Variants in CFH observed in about 807,000 individuals in gnomAD.
The protein encoded by CFH is complement factor H.
CFH carries 53 observed loss-of-function variants against 147.3 expected under a neutral mutation model. That is an observed-to-expected ratio of 0.36 (90% CI 0.29 to 0.45). CFH has a LOEUF of 0.45. CFH is among the 20% of genes least tolerant of loss of function. The probability of loss-of-function intolerance (pLI) is 1.00; values close to 1 mark genes in which losing one functional copy is unlikely to be tolerated. For synonymous variants in CFH, 536 were observed against 489.4 expected (o/e 1.10, Z -1.26); for missense variants, 1,380 against 1,498.0 (o/e 0.92, Z 1.30).
Position 196,707,003 on chromosome 1 carries a change from C to T in CFH, c.1337-6732C>T, listed in dbSNP as rs117153350. On this transcript the variant is annotated intron_variant, in intron 9 of 21. Transcript: ENST00000367429. ...GAGAGCCTTGGTAGAGAAGATTACC[C>T]TCAGGTTTAGGTGGCCTGTCTCCAT... 7.6e-4 allele frequency among the ~76,000 whole-genome samples: 115 copies of T among 152,254 alleles called. 1 individual carries two copies. The East Asian group carries it at 0.021, about 27-fold the overall frequency.
intron 1 of CFH, among the ~76,000 whole-genome samples, chr1:196,662,777 G>A (rs991525618): frequency 6.6e-6 from 1 of 151,924 alleles, no homozygotes; most frequent in South Asian, 2.1e-4. Context: ...AGCTACTTGG[G>A]GGGCTGAGGC....
intron 7 of CFH, among the ~76,000 whole-genome samples, chr1:196,687,284 A>T (rs1667860128): frequency 6.6e-6 from 1 of 152,126 alleles, no homozygotes; most frequent in Non-Finnish European, 1.5e-5. Context: ...AAGTAGAATG[A>T]AGCTATTTGA....
intron 10 of CFH, among the ~76,000 whole-genome samples, chr1:196,714,826 G>T (rs1668829354): frequency 6.7e-6 from 1 of 149,818 alleles, no homozygotes; most frequent in African/African-American, 2.5e-5. Flanking sequence ...TCAGCCTCCT[G>T]AATAGCTGGG....
At chr1:196,715,886 T>A (rs1668859367) in intron 11 of CFH, 117 bp downstream of exon 11, 3 of 827,752 alleles carry the variant, frequency 3.6e-6, no homozygotes. Context: ...AATCAAGATA[T>A]CTCCTGATTT....
rs116000624 is a variant in CFH, at chr1:196,744,385, G to T, written c.3310+757G>T. The stretch of plus-strand genomic sequence containing the variant: ...TTATTTGTTTCTGCCTGTTTCCTCT[G>T]GGTTTCAGTCCTATTTCCCTATTCC... On this transcript the variant is annotated intron_variant, in intron 20 of 21. Transcript: ENST00000367429. 8.2e-3 allele frequency among the ~76,000 whole-genome samples: 1,247 copies of T among 152,018 alleles called. 30 individuals carry two copies. Among genetic ancestry groups the T allele is most frequent in the African/African-American group, 0.029 (1,187 of 41,482 alleles).
chr1:196,680,531 G>A (rs755421817), intron 6 of CFH, among the ~76,000 whole-genome samples: 10 of 151,826 alleles, frequency 6.6e-5, no homozygotes, highest in Non-Finnish European at 8.8e-5. Context: ...GCCATAAGAC[G>A]TACAGTAAGA....
At chr1:196,739,807 C>T (rs941807045) in intron 17 of CFH, among the ~76,000 whole-genome samples, 1 of 152,174 alleles carries the variant, frequency 6.6e-6, no homozygotes, top group Non-Finnish European at 1.5e-5. Flanking sequence ...CAGCAGCACC[C>T]TACTCTCTGC....
chr1:196,688,545 A>G (rs1667905268), intron 7 of CFH, among the ~76,000 whole-genome samples: 1 of 152,070 alleles, frequency 6.6e-6, no homozygotes, highest in African/African-American at 2.4e-5. Flanking sequence ...TCAAAGAAAA[A>G]TTTTTGTGTT....
Position 196,713,880 on chromosome 1 carries a change from T to C in CFH, c.1482T>C (p.Cys494=), listed in dbSNP as rs1558172874. 6.2e-7 allele frequency: 1 copy of C among 1,612,722 alleles called. No individual in the cohort carries two copies. Among genetic ancestry groups the C allele is most frequent in the Admixed American group, 1.7e-5 (1 of 59,876 alleles). The change falls in exon 10 of 22, where the codon TGT becomes TGC. Residue 494 remains cysteine, a synonymous_variant. Coordinates refer to ENST00000367429, the MANE Select transcript of CFH (RefSeq NM_000186.4). ...ADGETSGSIT[C]GKDGWSAQPT... ...GTGAAACATCAGGATCAATTACATG[T>C]GGGAAAGATGGATGGTCAGCTCAAC...
intron 9 of CFH, among the ~76,000 whole-genome samples, chr1:196,698,514 T>G (rs913304704): frequency 6.6e-6 from 1 of 152,154 alleles, no homozygotes; most frequent in East Asian, 1.9e-4. Flanking sequence ...CTCCCAACAC[T>G]AAAGCAGAAG....
intron 20 of CFH, among the ~76,000 whole-genome samples, chr1:196,745,439 G>A (rs1202975621): frequency 6.6e-6 from 1 of 152,024 alleles, no homozygotes; most frequent in Non-Finnish European, 1.5e-5. Context: ...AGTATATTCA[G>A]TGTTTTTAAA....
intron 11 of CFH, among the ~76,000 whole-genome samples, chr1:196,716,350 C>CA (rs1668870699): frequency 6.6e-6 from 1 of 151,972 alleles, no homozygotes; most frequent in Admixed American, 6.6e-5. Context: ...CAATATATTT[C>CA]AAGGTGGTAA....
chr1:196,693,527 T>G (rs1262857485), intron 9 of CFH, among the ~76,000 whole-genome samples: 1 of 152,116 alleles, frequency 6.6e-6, no homozygotes, highest in Non-Finnish European at 1.5e-5. Context: ...TTTTTCCACC[T>G]GATAACTTGG....
intron 5 of CFH, 122 bp downstream of exon 5, chr1:196,677,789 C>T: frequency 1.1e-6 from 1 of 931,234 alleles, no homozygotes; most frequent in Non-Finnish European, 1.7e-6. Context: ...TGAGCACTTA[C>T]TATCTGCCTG....
At chr1:196,703,982 C>CATA (rs1178960573) in intron 9 of CFH, among the ~76,000 whole-genome samples, 5 of 60,596 alleles carry the variant, frequency 8.3e-5, no homozygotes, top group Non-Finnish European at 1.4e-4. Flanking sequence ...AAGACTCTGT[C>CATA]AAAAAAAAAA....
chr1:196,701,036 C>T (rs1261040576), intron 9 of CFH, among the ~76,000 whole-genome samples: 2 of 152,106 alleles, frequency 1.3e-5, no homozygotes, highest in African/African-American at 4.8e-5. Context: ...GAGGAGATCT[C>T]CCTTCAGATG....
chr1:196,731,994 C>T (rs1401634821), intron 15 of CFH, among the ~76,000 whole-genome samples: 1 of 151,672 alleles, frequency 6.6e-6, no homozygotes, highest in African/African-American at 2.4e-5. Context: ...ATTTGATTTC[C>T]TTTGAGATTT....
Position 196,747,102 on chromosome 1 carries a change from T to C in CFH, c.3494-9T>C, listed in dbSNP as rs2149118667. On this transcript the variant is annotated splice_polypyrimidine_tract_variant and intron_variant, in intron 21 of 21. Transcript: ENST00000367429. ...TTAATGTTTTATGTTTACTGTTTTT[T>C]ATTTTCAGATCCGTGTGTAATATCC... The C allele has an allele frequency of 1.2e-6, 2 of 1,613,850 alleles. No homozygotes were observed. Among genetic ancestry groups the C allele is most frequent in the Non-Finnish European group, 1.7e-6 (2 of 1,179,804 alleles).
chr1:196,712,666 G>A (rs1668749420), intron 9 of CFH, among the ~76,000 whole-genome samples: 1 of 151,318 alleles, frequency 6.6e-6, no homozygotes, highest in East Asian at 1.9e-4. Context: ...TGCACAATGT[G>A]CAGGTTAGTT....
Sources: allele counts gnomAD v4.1 joint callset (sites outside exome capture counted in the v4.1 genomes callset), GRCh38; gene constraint gnomAD v4.1.1; transcripts MANE v1.5; gene names NCBI Gene and HGNC (gene_info 2026-07-23, HGNC 2026-07-21).